Variants in FAT3 observed in about 807,000 individuals in gnomAD.
The protein encoded by FAT3 is protocadherin Fat 3.
FAT3 carries 95 observed loss-of-function variants against 310.2 expected under a neutral mutation model. The observed-to-expected ratio is 0.31, with a 90% confidence interval of 0.26 to 0.36. The LOEUF (loss-of-function observed/expected upper bound fraction) is 0.36, where lower values mean the gene tolerates loss of function less well. Among genes scored for constraint, FAT3 ranks in the 10% least tolerant of loss-of-function variants. The pLI is 1.00. For missense variants in FAT3, 5,408 were observed against 5,715.6 expected (o/e 0.95, Z 1.74); for synonymous variants, 2,314 against 2,192.9 (o/e 1.06, Z -1.54).
chr11:92,379,664 G>T (rs184798769), intron 2 of FAT3, among the ~76,000 whole-genome samples: 1 of 146,632 alleles, frequency 6.8e-6, no homozygotes, highest in Admixed American at 6.7e-5. Flanking sequence ...TGGATTTGGC[G>T]TACTCATCTC....
intron 2 of FAT3, among the ~76,000 whole-genome samples, chr11:92,443,636 C>T (rs988731880): frequency 6.6e-6 from 1 of 152,164 alleles, no homozygotes; most frequent in Non-Finnish European, 1.5e-5. Flanking sequence ...TTAAACATTA[C>T]ATTTTGAGTT....
At chr11:92,311,225 G>T (rs1382762496) in intron 1 of FAT3, among the ~76,000 whole-genome samples, 1 of 151,906 alleles carries the variant, frequency 6.6e-6, no homozygotes, top group Non-Finnish European at 1.5e-5. Context: ...CCATCACTAT[G>T]GAATTTATGC....
At chr11:92,398,632 A>T (rs2134853321) in intron 2 of FAT3, among the ~76,000 whole-genome samples, 1 of 152,134 alleles carries the variant, frequency 6.6e-6, no homozygotes, top group African/African-American at 2.4e-5. Context: ...ATAAGGTCAC[A>T]TTCTGACATA....
intron 19 of FAT3, among the ~76,000 whole-genome samples, chr11:92,846,611 C>T (rs1948690147): frequency 6.6e-6 from 1 of 152,164 alleles, no homozygotes. Flanking sequence ...AGAGGGGTTG[C>T]TCTTGATTTT....
intron 2 of FAT3, among the ~76,000 whole-genome samples, chr11:92,521,588 T>C (rs1953686109): frequency 6.6e-6 from 1 of 152,128 alleles, no homozygotes; most frequent in Non-Finnish European, 1.5e-5. Flanking sequence ...GAGATGGGTA[T>C]GAAAACAAGA....
chr11:92,562,772 A>T (rs1211339023), intron 3 of FAT3, among the ~76,000 whole-genome samples: 1 of 152,170 alleles, frequency 6.6e-6, no homozygotes, highest in Non-Finnish European at 1.5e-5. Context: ...GAAGATGTTG[A>T]TGTTTCAGTT....
chr11:92,339,688 A>G (rs1948190552), intron 1 of FAT3, among the ~76,000 whole-genome samples: 1 of 152,112 alleles, frequency 6.6e-6, no homozygotes, highest in Non-Finnish European at 1.5e-5. Flanking sequence ...TGTTTTTATA[A>G]TGGGAAATCA....
At chr11:92,336,900 C>G (rs1424913524) in intron 1 of FAT3, among the ~76,000 whole-genome samples, 1 of 152,106 alleles carries the variant, frequency 6.6e-6, no homozygotes, top group Non-Finnish European at 1.5e-5. Flanking sequence ...CATTAAAACC[C>G]TTTTAAAATA....
At chr11:92,578,239 A>C (rs10830935) in intron 3 of FAT3, among the ~76,000 whole-genome samples, 1 of 151,906 alleles carries the variant, frequency 6.6e-6, no homozygotes, top group African/African-American at 2.4e-5. Context: ...TAATATTCAC[A>C]GGATTACTTG....
rs1030493557 is a variant in FAT3 at position 92,259,928 on chromosome 11, G to A, written c.-18+34754G>A. On this transcript the variant is annotated intron_variant, in intron 1 of 27. Transcript: ENST00000525166. ...GGAAAGCAGAAGATGTGGCTGGGGT[G>A]TTTTTAAGATGGAACTGAGTTTGCC... is the stretch of plus-strand genomic sequence containing the variant. 2.0e-5 allele frequency among the ~76,000 whole-genome samples: 3 copies of A among 152,208 alleles called. No individual in the cohort carries two copies. The South Asian group carries it at 6.2e-4, about 32-fold the overall frequency.
chr11:92,232,806 G>A (rs1001458570), intron 1 of FAT3, among the ~76,000 whole-genome samples: 2 of 151,990 alleles, frequency 1.3e-5, no homozygotes, highest in Non-Finnish European at 2.9e-5. Context: ...TTGGGAGGTA[G>A]AATTATTATT....
At chr11:92,324,061 G>T (rs1947702185) in intron 1 of FAT3, among the ~76,000 whole-genome samples, 1 of 152,164 alleles carries the variant, frequency 6.6e-6, no homozygotes, top group Non-Finnish European at 1.5e-5. Context: ...TCATAGAATT[G>T]AAGAAAGTTA....
intron 2 of FAT3, among the ~76,000 whole-genome samples, chr11:92,401,537 G>T (rs1950012833): frequency 6.6e-6 from 1 of 152,160 alleles, no homozygotes; most frequent in Admixed American, 6.5e-5. Context: ...GCTGAAGGTT[G>T]GGCAGAAATA....
At chr11:92,250,475 T>C (rs545463893) in intron 1 of FAT3, among the ~76,000 whole-genome samples, 1 of 152,274 alleles carries the variant, frequency 6.6e-6, no homozygotes, top group African/African-American at 2.4e-5. Flanking sequence ...AACAAGTCAG[T>C]CAACTTTGTA....
chr11:92,372,309 A>C (rs1949208738), intron 2 of FAT3, among the ~76,000 whole-genome samples: 1 of 151,232 alleles, frequency 6.6e-6, no homozygotes, highest in African/African-American at 2.4e-5. Flanking sequence ...GAGAGTTCTT[A>C]TCAGGGAGTA....
intron 7 of FAT3, among the ~76,000 whole-genome samples, chr11:92,784,201 G>A (rs1591727192): frequency 6.6e-6 from 1 of 152,108 alleles, no homozygotes; most frequent in Admixed American, 6.5e-5. Flanking sequence ...AAATAATAAA[G>A]TCTAGGAAAT....
intron 15 of FAT3, among the ~76,000 whole-genome samples, chr11:92,835,382 C>A (rs573024063): frequency 6.6e-6 from 1 of 152,162 alleles, no homozygotes; most frequent in East Asian, 1.9e-4. Context: ...ATGATGGCCC[C>A]CTATGTAGAT....
intron 3 of FAT3, among the ~76,000 whole-genome samples, chr11:92,534,137 C>A (rs1954169988): frequency 6.6e-6 from 1 of 152,106 alleles, no homozygotes; most frequent in Non-Finnish European, 1.5e-5. Context: ...CTAGATACTG[C>A]TGGGCTGTGT....
chr11:92,674,181 A>AT (rs1943215322), intron 3 of FAT3, among the ~76,000 whole-genome samples: 2 of 135,012 alleles, frequency 1.5e-5, no homozygotes, highest in Admixed American at 7.2e-5. Context: ...ACTCCATCTC[A>AT]AAATAATAAT....
Sources: gnomAD v4.1 joint callset for allele counts (sites outside exome capture counted in the v4.1 genomes callset) on GRCh38, gnomAD v4.1.1 for gene constraint, MANE v1.5 for transcripts, NCBI Gene and HGNC (gene_info 2026-07-23, HGNC 2026-07-21) for gene names.